Variants in DMXL1 observed in about 807,000 individuals in gnomAD.
DMXL1 encodes dmX-like protein 1.
In DMXL1, 99 loss-of-function variants were observed where a neutral mutation model predicts 319.2. The ratio of observed to expected loss-of-function variants is 0.31; its 90% CI spans 0.26 to 0.37. DMXL1 has a LOEUF of 0.37. DMXL1 is among the 10% of genes least tolerant of loss of function. The pLI, the probability that DMXL1 is intolerant of heterozygous loss-of-function variation, is 1.00. For synonymous variants in DMXL1, 1,385 were observed against 1,235.2 expected, an observed-to-expected ratio of 1.12 and a Z score of -2.54; for missense variants, 3,745 against 3,595.6, an observed-to-expected ratio of 1.04 and a Z score of -1.06.
At chr5:119,093,621 CTCTT>C (rs1278068716) in intron 1 of DMXL1, among the ~76,000 whole-genome samples, 1 of 152,160 alleles carries the variant, frequency 6.6e-6, no homozygotes, top group Non-Finnish European at 1.5e-5. Context: ...AGTTACACAT[CTCTT>C]TCTTTAAATC....
chr5:119,133,598 T>C lies in DMXL1; in HGVS notation c.1674T>C (p.Ala558=), dbSNP rs777382696. ...CCTGTACCAAGAATGTTGACTTGGC[T>C]ATTCAGCAGGGGAAACAAAAACCTT... is the stretch of plus-strand genomic sequence containing the variant. ...MYACTKNVDL[A]IQQGKQKPSG... Residue 558 remains alanine, a synonymous_variant, in exon 12 of 44, where the codon GCT becomes GCC. Transcript: ENST00000539542. The C allele has an allele frequency of 6.2e-7, 1 of 1,614,200 alleles. No individual in the cohort carries two copies. Among genetic ancestry groups the C allele is most frequent in the Non-Finnish European group, 8.5e-7 (1 of 1,180,026 alleles).
chr5:119,246,309 A>G (rs888519907), intron 43 of DMXL1, among the ~76,000 whole-genome samples: 13 of 152,198 alleles, frequency 8.5e-5, no homozygotes, highest in Non-Finnish European at 2.9e-5. Context: ...TAATGTAAAG[A>G]AGAGATTACC....
chr5:119,241,562 TATCTGTCTGA>T (rs2150743648), intron 42 of DMXL1, among the ~76,000 whole-genome samples: 1 of 151,726 alleles, frequency 6.6e-6, no homozygotes, highest in East Asian at 1.9e-4. Flanking sequence ...AAAGATGAAT[TATCTGTCTGA>T]AATGGCAGGC....
Position 119,205,746 on chromosome 5 carries a change from GA to G in DMXL1, c.7864-1086del, listed in dbSNP as rs200393555. Among the ~76,000 whole-genome samples the G allele has an allele frequency of 3.9e-3, 596 of 152,150 alleles. 10 individuals are homozygous for G. The highest frequency in any genetic ancestry group is 0.027 in the South Asian group (128 of 4,822). ...ATGTTACATAGTAAAGCATAGATTT[GA>G]ATGGAATTAAATAGAATATAGAGTT... is the stretch of plus-strand genomic sequence containing the variant. On this transcript the variant is annotated intron_variant, in intron 33 of 43. Transcript: ENST00000539542.
At chr5:119,072,552 G>T (rs549162220) in intron 1 of DMXL1, among the ~76,000 whole-genome samples, 2 of 152,142 alleles carry the variant, frequency 1.3e-5, no homozygotes, top group South Asian at 4.1e-4. Context: ...AAAAATAAAA[G>T]TAAAACTTAA....
chr5:119,223,481 G>T (rs1049878625), intron 37 of DMXL1, among the ~76,000 whole-genome samples: 2 of 152,148 alleles, frequency 1.3e-5, no homozygotes, highest in African/African-American at 4.8e-5. Flanking sequence ...TCAGAAAAAT[G>T]TGTTTATACT....
rs1042095574 is a variant in DMXL1 at position 119,206,177 on chromosome 5, T to TAAA, written c.7864-653_7864-651dup. Among the ~76,000 whole-genome samples the TAAA allele has an allele frequency of 2.0e-5, 3 of 152,198 alleles. No individual in the cohort carries two copies. In the East Asian group the frequency reaches 5.8e-4, roughly 29 times the overall value. On this transcript the variant is annotated intron_variant, in intron 33 of 43. Coordinates refer to ENST00000539542, the MANE Select transcript of DMXL1 (RefSeq NM_001290321.3). ...TGCAATTAGATTAAGTCATTCTTAA[T>TAAA]AAAAAATTGGGACTTGACAACTCCC...
At chr5:119,224,280 CTAGT>C (rs1305806295) in intron 37 of DMXL1, among the ~76,000 whole-genome samples, 4 of 152,004 alleles carry the variant, frequency 2.6e-5, no homozygotes, top group African/African-American at 7.2e-5. Context: ...ATTTGACAGG[CTAGT>C]TAAATTATTC....
chr5:119,131,369 T>C (rs1350417438), intron 10 of DMXL1, among the ~76,000 whole-genome samples: 1 of 152,168 alleles, frequency 6.6e-6, no homozygotes, highest in Non-Finnish European at 1.5e-5. Context: ...TTTTTGTTAC[T>C]AAGGTGTTGA....
chr5:119,126,440 A>G (rs956639481), intron 9 of DMXL1, among the ~76,000 whole-genome samples: 12 of 152,306 alleles, frequency 7.9e-5, no homozygotes, highest in Non-Finnish European at 8.8e-5. Context: ...TCCTCTCAAC[A>G]GTCATACCAC....
intron 29 of DMXL1, among the ~76,000 whole-genome samples, chr5:119,193,130 G>C (rs1778984466): frequency 6.6e-6 from 1 of 152,078 alleles, no homozygotes. Context: ...AGTGATCGTA[G>C]TGATATACTT....
intron 15 of DMXL1, among the ~76,000 whole-genome samples, chr5:119,146,244 A>G (rs1768499783): frequency 6.6e-6 from 1 of 152,072 alleles, no homozygotes; most frequent in Non-Finnish European, 1.5e-5. Flanking sequence ...TATAATGAAG[A>G]AAACTTGGAT....
At chr5:119,228,320 A>G (rs1257725661) in intron 38 of DMXL1, among the ~76,000 whole-genome samples, 2 of 152,228 alleles carry the variant, frequency 1.3e-5, no homozygotes, top group Non-Finnish European at 2.9e-5. Context: ...AGGAGAAACA[A>G]TAACCATCTG....
At chr5:119,223,604 A>G (rs1244745190) in intron 37 of DMXL1, among the ~76,000 whole-genome samples, 1 of 152,208 alleles carries the variant, frequency 6.6e-6, no homozygotes, top group Non-Finnish European at 1.5e-5. Flanking sequence ...ATTTGTTAAC[A>G]TGAGGGTTCG....
At chr5:119,184,998 T>C (rs866772723) in intron 28 of DMXL1, among the ~76,000 whole-genome samples, 13 of 152,188 alleles carry the variant, frequency 8.5e-5, no homozygotes, top group African/African-American at 3.1e-4. Context: ...CCATAAAACA[T>C]GCTTGACCAA....
intron 28 of DMXL1, chr5:119,178,676 C>T (rs1303651266): frequency 2.0e-6 from 2 of 984,728 alleles, no homozygotes; most frequent in African/African-American, 1.7e-5. Context: ...TCATAGCCCT[C>T]CCAGTCTTGC....
chr5:119,186,416 C>T (rs1030790405), intron 28 of DMXL1, among the ~76,000 whole-genome samples: 1 of 152,050 alleles, frequency 6.6e-6, no homozygotes, highest in Admixed American at 6.5e-5. Flanking sequence ...TGCCACCATG[C>T]CCAGCTAATT....
At chr5:119,205,571 G>A (rs1048282840) in intron 33 of DMXL1, among the ~76,000 whole-genome samples, 1 of 151,652 alleles carries the variant, frequency 6.6e-6, no homozygotes, top group Non-Finnish European at 1.5e-5. Context: ...CCCTTACTTT[G>A]CAATGTTTTG....
intron 36 of DMXL1, 119 bp downstream of exon 36, chr5:119,220,712 T>C: frequency 7.6e-7 from 1 of 1,315,186 alleles, no homozygotes; most frequent in Non-Finnish European, 1.0e-6. Context: ...GAGTAGAAGC[T>C]GATGTGCTAA....
Sources: gnomAD v4.1 joint callset for allele counts (sites outside exome capture counted in the v4.1 genomes callset) on GRCh38, gnomAD v4.1.1 for gene constraint, MANE v1.5 for transcripts, NCBI Gene and HGNC (gene_info 2026-07-23, HGNC 2026-07-21) for gene names.